Variants in RTL4 observed in about 807,000 individuals in gnomAD.
RTL4 encodes the protein retrotransposon Gag like 4.
RTL4 carries 4 observed loss-of-function variants against 5.3 expected under a neutral mutation model. The observed-to-expected ratio is 0.75, with a 90% CI of 0.37 to 1.72. The LOEUF (loss-of-function observed/expected upper bound fraction) is 1.72. Among genes scored for constraint, RTL4 ranks in the 40% most tolerant of loss-of-function variants. The pLI is 0.04. For missense variants in RTL4, 260 were observed against 227.1 expected, an observed-to-expected ratio of 1.14 and a Z score of -0.93; for synonymous variants, 98 against 87.3, an observed-to-expected ratio of 1.12 and a Z score of -0.68.
the RTL4 span, among the ~76,000 whole-genome samples, chrX:112,262,121 G>A: frequency 1.7e-4 from 19 of 111,649 alleles, no homozygotes; most frequent in South Asian, 3.7e-4. Flanking sequence ...ACCATTCAGG[G>A]CATAGGCATG....
At chrX:112,361,801 A>G in the RTL4 span, among the ~76,000 whole-genome samples, 1 of 110,952 alleles carries the variant, frequency 9.0e-6, no homozygotes, top group South Asian at 3.8e-4. Flanking sequence ...ATTTTGGTTA[A>G]TTGAAAATTG....
At chrX:112,357,665 C>T in the RTL4 span, among the ~76,000 whole-genome samples, 2 of 112,012 alleles carry the variant, frequency 1.8e-5, no homozygotes, top group Non-Finnish European at 3.8e-5. Flanking sequence ...CATGCTGCAT[C>T]GATGGCAACT....
the RTL4 span, among the ~76,000 whole-genome samples, chrX:112,170,161 G>A: frequency 2.7e-5 from 3 of 111,925 alleles, no homozygotes; most frequent in East Asian, 5.6e-4. Context: ...GGTTCCTGTA[G>A]CCTTGTAGTA....
chrX:112,399,572 T>G, the RTL4 span, among the ~76,000 whole-genome samples: 1 of 111,853 alleles, frequency 8.9e-6, no homozygotes, highest in Non-Finnish European at 1.9e-5. Flanking sequence ...TTGACCCGTG[T>G]TTTTTAAAGA....
At chrX:112,339,856 T>C in the RTL4 span, among the ~76,000 whole-genome samples, 5 of 112,754 alleles carry the variant, frequency 4.4e-5, no homozygotes, top group South Asian at 3.6e-4. Flanking sequence ...GTAGGATATA[T>C]GGTCTCTGTT....
At chrX:112,221,221 CT>C in the RTL4 span, among the ~76,000 whole-genome samples, 1 of 111,395 alleles carries the variant, frequency 9.0e-6, no homozygotes, top group Non-Finnish European at 1.9e-5. Flanking sequence ...GGAAAATTAC[CT>C]TATAAAACCA....
chrX:112,224,267 A>G, the RTL4 span, among the ~76,000 whole-genome samples: 1 of 110,985 alleles, frequency 9.0e-6, no homozygotes, highest in East Asian at 2.8e-4. Flanking sequence ...GCATTTTTGC[A>G]TTATGAATAA....
At chrX:112,427,959 T>C in the RTL4 span, among the ~76,000 whole-genome samples, 1 of 108,195 alleles carries the variant, frequency 9.2e-6, no homozygotes, top group African/African-American at 3.3e-5. Flanking sequence ...AAGTCCATTA[T>C]ATTATTCTCA....
chrX:112,442,868 G>T, the RTL4 span, among the ~76,000 whole-genome samples: 2 of 111,587 alleles, frequency 1.8e-5, no homozygotes, highest in Non-Finnish European at 3.8e-5. Context: ...CATGGAACAT[G>T]GGGTATCCCT....
the RTL4 span, among the ~76,000 whole-genome samples, chrX:112,398,080 C>A: frequency 9.0e-6 from 1 of 111,403 alleles, no homozygotes; most frequent in East Asian, 2.8e-4. Flanking sequence ...AGGGGGAAAT[C>A]ATTCACTCTT....
chrX:112,346,086 T>C, the RTL4 span, among the ~76,000 whole-genome samples: 2 of 112,155 alleles, frequency 1.8e-5, no homozygotes, highest in Admixed American at 1.9e-4. Flanking sequence ...ACTGAACAAC[T>C]ATATATAAAA....
chrX:112,165,583 C>A, the RTL4 span, among the ~76,000 whole-genome samples: 1 of 110,831 alleles, frequency 9.0e-6, no homozygotes, highest in Non-Finnish European at 1.9e-5. Flanking sequence ...TGACTTAAAT[C>A]TCTCTCTCTC....
chrX:112,131,913 AGCTATTTT>A, the RTL4 span, among the ~76,000 whole-genome samples: 1 of 112,100 alleles, frequency 8.9e-6, no homozygotes, highest in Non-Finnish European at 1.9e-5. Flanking sequence ...CCTGTTTACC[AGCTATTTT>A]GCTATACGTC....
chrX:112,298,994 G>A, the RTL4 span, among the ~76,000 whole-genome samples: 1 of 112,467 alleles, frequency 8.9e-6, no homozygotes, highest in Non-Finnish European at 1.9e-5. Flanking sequence ...GACCTTTTAT[G>A]TCCTTCTCCG....
the RTL4 span, among the ~76,000 whole-genome samples, chrX:112,353,383 T>C: frequency 9.0e-6 from 1 of 111,392 alleles, no homozygotes; most frequent in Admixed American, 9.6e-5. Flanking sequence ...CACATGCACA[T>C]GTATGTTTAT....
At chrX:112,263,180 G>A in the RTL4 span, among the ~76,000 whole-genome samples, 2 of 100,508 alleles carry the variant, frequency 2.0e-5, no homozygotes, top group African/African-American at 7.8e-5. Flanking sequence ...TTGTGTACAT[G>A]TACCCTAGAA....
chrX:112,450,257 GA>G (rs1246842680), upstream of RTL4, among the ~76,000 whole-genome samples: 1 of 112,386 alleles, frequency 8.9e-6, no homozygotes, highest in Admixed American at 9.4e-5. Context: ...CTATGGCTTT[GA>G]GCCAGACCAA....
chrX:112,425,023 T>C, the RTL4 span, among the ~76,000 whole-genome samples: 2 of 111,332 alleles, frequency 1.8e-5, no homozygotes, highest in Non-Finnish European at 3.8e-5. Flanking sequence ...AGCATGTATC[T>C]ATTGTTGTAC....
At chrX:112,420,814 C>T in the RTL4 span, among the ~76,000 whole-genome samples, 2 of 111,896 alleles carry the variant, frequency 1.8e-5, no homozygotes, top group Non-Finnish European at 3.8e-5. Context: ...TGCCTGGCCA[C>T]ATAGGGCCCA....
Sources: gnomAD v4.1 joint callset for allele counts (sites outside exome capture counted in the v4.1 genomes callset) on GRCh38, gnomAD v4.1.1 for gene constraint, MANE v1.5 for transcripts, NCBI Gene and HGNC (gene_info 2026-07-23, HGNC 2026-07-21) for gene names.